The following ZFHX3 variants were observed in gnomAD, a reference collection of about 807,000 sequenced individuals.
ZFHX3 encodes zinc finger homeobox protein 3.
A neutral mutation model predicts 279.1 loss-of-function variants in ZFHX3; 42 were observed. The observed-to-expected ratio is 0.15, with a 90% CI of 0.12 to 0.19. The LOEUF (loss-of-function observed/expected upper bound fraction) is 0.19, where lower values mean the gene tolerates loss of function less well. Among genes scored for constraint, ZFHX3 ranks in the 10% least tolerant of loss-of-function variants. The probability of loss-of-function intolerance (pLI) is 1.00; values close to 1 mark genes in which losing one functional copy is unlikely to be tolerated. For synonymous variants in ZFHX3, 2,293 were observed against 1,957.8 expected (o/e 1.17, Z -4.52); for missense variants, 4,981 against 4,754.0 (o/e 1.05, Z -1.40).
chr16:73,880,345 A>G (rs2030103300), intron 1 of ZFHX3, among the ~76,000 whole-genome samples: 1 of 151,514 alleles, frequency 6.6e-6, no homozygotes, highest in Admixed American at 6.6e-5. Flanking sequence ...AAGGCAAATA[A>G]TAAACTGAAA....
intron 3 of ZFHX3, among the ~76,000 whole-genome samples, chr16:73,418,705 C>T (rs2017650383): frequency 6.6e-6 from 1 of 152,188 alleles, no homozygotes; most frequent in African/African-American, 2.4e-5. Flanking sequence ...AAATGTAAAA[C>T]AGGTCTCCCA....
chr16:73,337,889 T>TGCCG (rs1281387403), intron 3 of ZFHX3, among the ~76,000 whole-genome samples: 1 of 30,688 alleles, frequency 3.3e-5, no homozygotes, highest in Non-Finnish European at 1.8e-4. Context: ...CATCTTCCCT[T>TGCCG]GGCGGGGGGG....
chr16:73,859,971 T>C (rs566989801), intron 1 of ZFHX3, among the ~76,000 whole-genome samples: 1 of 152,208 alleles, frequency 6.6e-6, no homozygotes, highest in Non-Finnish European at 1.5e-5. Flanking sequence ...CACAGCTAAT[T>C]TAAAAAATAA....
At chr16:73,384,012 GAAAT>G (rs1341280708) in intron 3 of ZFHX3, among the ~76,000 whole-genome samples, 1 of 152,186 alleles carries the variant, frequency 6.6e-6, no homozygotes, top group African/African-American at 2.4e-5. Context: ...TTCAAAGAAA[GAAAT>G]GAATGAATGA....
At chr16:73,293,957 T>G (rs1009132417) in intron 4 of ZFHX3, 1 of 138,246 alleles carries the variant, frequency 7.2e-6, no homozygotes, top group African/African-American at 2.8e-5. Flanking sequence ...AACCTTTGCA[T>G]TATTCCTTGG....
At chr16:73,582,492 G>C (rs2051872577) in intron 2 of ZFHX3, among the ~76,000 whole-genome samples, 1 of 151,710 alleles carries the variant, frequency 6.6e-6, no homozygotes, top group Admixed American at 6.6e-5. Context: ...TTTTATTTTT[G>C]AGATGGAGTT....
At chr16:73,741,937 C>A (rs2053661495) in intron 1 of ZFHX3, among the ~76,000 whole-genome samples, 1 of 152,134 alleles carries the variant, frequency 6.6e-6, no homozygotes, top group Non-Finnish European at 1.5e-5. Context: ...AAAGAGAAAC[C>A]TTAATCATTT....
chr16:73,507,466 G>A (rs553878543), intron 2 of ZFHX3, among the ~76,000 whole-genome samples: 7 of 146,740 alleles, frequency 4.8e-5, no homozygotes, highest in South Asian at 2.2e-4. Context: ...CAGAAAATGC[G>A]TGAAATTCAG....
rs573871495 is a variant in ZFHX3 at position 73,867,506 on chromosome 16, C to A, written c.-1608+24145G>T. Among the ~76,000 whole-genome samples the A allele has an allele frequency of 3.3e-3, 499 of 152,284 alleles. 1 individual carries two copies. The highest frequency in any genetic ancestry group is 0.011 in the African/African-American group (475 of 41,560). On this transcript the variant is annotated intron_variant, in intron 1 of 17. Coordinates refer to the ZFHX3 transcript ENST00000641206. ...GAGTCAATCACAATCTCAGACAAAGCCAAGGTGGGGTTTCTCCCCGATATT... is the reference window on the plus strand; with the variant it reads ...GAGTCAATCACAATCTCAGACAAAGACAAGGTGGGGTTTCTCCCCGATATT...
intron 2 of ZFHX3, among the ~76,000 whole-genome samples, chr16:73,575,474 T>C (rs1282851006): frequency 2.0e-5 from 3 of 152,224 alleles, no homozygotes; most frequent in Non-Finnish European, 4.4e-5. Context: ...AGTTAACAGG[T>C]GCAGGATGAA....
chr16:73,265,234 G>A (rs2013943381), intron 4 of ZFHX3, among the ~76,000 whole-genome samples: 1 of 152,022 alleles, frequency 6.6e-6, no homozygotes. Flanking sequence ...TGACTTCTTG[G>A]GAACACCTGA....
At chr16:73,504,688 G>A (rs1443786136) in intron 2 of ZFHX3, 1 of 152,424 alleles carries the variant, frequency 6.6e-6, no homozygotes, top group South Asian at 2.1e-4. Flanking sequence ...TGGGAGGAGA[G>A]TCCGCATGGG....
chr16:73,467,502 C>T (rs760865755), intron 2 of ZFHX3, among the ~76,000 whole-genome samples: 2 of 152,100 alleles, frequency 1.3e-5, no homozygotes, highest in Admixed American at 6.6e-5. Flanking sequence ...GGGTAGTGCA[C>T]CGACAGGCAC....
At chr16:72,926,398 G>C (rs1405725246) in intron 3 of ZFHX3, among the ~76,000 whole-genome samples, 7 of 152,154 alleles carry the variant, frequency 4.6e-5, no homozygotes, top group Admixed American at 6.5e-5. Context: ...AAGAGCTACA[G>C]CGACTCCACT....
At chr16:73,626,660 G>T (rs1168393507) in intron 2 of ZFHX3, among the ~76,000 whole-genome samples, 1 of 151,962 alleles carries the variant, frequency 6.6e-6, no homozygotes, top group Non-Finnish European at 1.5e-5. Context: ...CTGGAATGCT[G>T]TCCCTCTTTC....
chr16:73,078,015 G>A, intron 8 of ZFHX3, among the ~76,000 whole-genome samples: 1 of 152,158 alleles, frequency 6.6e-6, no homozygotes, highest in East Asian at 1.9e-4. Context: ...ATGTTGACCA[G>A]GCTGGTCTCG....
In ZFHX3 at chr16:73,419,201, T is replaced by C. The variant is rs534765679; in HGVS notation, c.-1291+36802A>G. Among the ~76,000 whole-genome samples the C allele has an allele frequency of 9.8e-5, 15 of 152,326 alleles. No individual in the cohort carries two copies. The South Asian group carries it at 2.9e-3, about 29-fold the overall frequency. ...TGAAGGAAAGAAGTACTGATAATTA[T>C]TGAGTGACTTTTATGGGGCAGATAG... On this transcript the variant is annotated intron_variant, in intron 3 of 17. Transcript: ENST00000641206.
intron 7 of ZFHX3, among the ~76,000 whole-genome samples, chr16:73,114,657 C>T (rs575553918): frequency 2.0e-4 from 30 of 151,922 alleles, no homozygotes; most frequent in East Asian, 1.2e-3. Context: ...CCAACCTAGG[C>T]GACACAGTGA....
chr16:73,150,748 T>C (rs1357119435), intron 5 of ZFHX3, among the ~76,000 whole-genome samples: 2 of 152,220 alleles, frequency 1.3e-5, no homozygotes, highest in Non-Finnish European at 2.9e-5. Context: ...AACTCCCGGA[T>C]GACAGAGCCT....
Sources: gnomAD v4.1 joint callset for allele counts (sites outside exome capture counted in the v4.1 genomes callset) on GRCh38, gnomAD v4.1.1 for gene constraint, MANE v1.5 for transcripts, NCBI Gene and HGNC (gene_info 2026-07-23, HGNC 2026-07-21) for gene names.